The following PTPRK variants were observed in gnomAD, a reference collection of about 807,000 sequenced individuals.
The protein encoded by PTPRK is protein tyrosine phosphatase receptor type K, also known as receptor-type tyrosine-protein phosphatase kappa.
A neutral mutation model predicts 178.0 loss-of-function variants in PTPRK; 75 were observed. That is an observed-to-expected ratio of 0.42 (90% confidence interval 0.35 to 0.51). PTPRK has a LOEUF of 0.51. PTPRK is among the 20% of genes least tolerant of loss of function. PTPRK has a pLI of 0.02. For missense variants in PTPRK, 1,441 were observed against 1,797.8 expected, an observed-to-expected ratio of 0.80 and a Z score of 3.59; for synonymous variants, 637 against 620.6, an observed-to-expected ratio of 1.03 and a Z score of -0.39.
chr6:128,254,368 A>C (rs772911421), intron 3 of PTPRK, among the ~76,000 whole-genome samples: 21 of 152,158 alleles, frequency 1.4e-4, no homozygotes, highest in Non-Finnish European at 2.8e-4. Flanking sequence ...GCTGAAATTG[A>C]AAAATATTTA....
chr6:128,089,473 G>A (rs1048481437), intron 8 of PTPRK, among the ~76,000 whole-genome samples: 1 of 152,102 alleles, frequency 6.6e-6, no homozygotes, highest in African/African-American at 2.4e-5. Flanking sequence ...TAAGAAGAGA[G>A]GACAACAGAA....
chr6:128,179,633 T>C (rs1473649670), intron 7 of PTPRK, among the ~76,000 whole-genome samples: 1 of 152,056 alleles, frequency 6.6e-6, no homozygotes, highest in Non-Finnish European at 1.5e-5. Context: ...AAGTCATCCT[T>C]ACATTGTGAA....
intron 7 of PTPRK, among the ~76,000 whole-genome samples, chr6:128,123,771 C>G (rs1041234733): frequency 3.9e-5 from 6 of 152,084 alleles, no homozygotes; most frequent in African/African-American, 1.2e-4. Flanking sequence ...TTTATAGGAC[C>G]TTAACAGTTT....
At chr6:128,065,422 T>C (rs888564224) in intron 12 of PTPRK, among the ~76,000 whole-genome samples, 1 of 152,080 alleles carries the variant, frequency 6.6e-6, no homozygotes. Flanking sequence ...AGAAAAAATA[T>C]GATTATTTTT....
intron 5 of PTPRK, among the ~76,000 whole-genome samples, chr6:128,221,443 G>C (rs887185223): frequency 4.6e-5 from 7 of 151,312 alleles, no homozygotes; most frequent in Non-Finnish European, 1.0e-4. Flanking sequence ...AGAATGGTGT[G>C]AACCCAGGAG....
intron 3 of PTPRK, among the ~76,000 whole-genome samples, chr6:128,267,928 T>C (rs1281984223): frequency 6.6e-6 from 1 of 152,046 alleles, no homozygotes; most frequent in Non-Finnish European, 1.5e-5. Context: ...TTACATCAAC[T>C]ACTGGGGCTA....
intron 2 of PTPRK, among the ~76,000 whole-genome samples, chr6:128,371,875 C>T (rs1048514257): frequency 9.1e-5 from 12 of 131,818 alleles, no homozygotes; most frequent in Non-Finnish European, 1.4e-4. Context: ...GACCTTGTCT[C>T]AAAAAAAAAA....
intron 1 of PTPRK, among the ~76,000 whole-genome samples, chr6:128,486,502 T>C (rs117262560): frequency 0.029 from 4,470 of 152,270 alleles, 87 homozygotes; most frequent in Non-Finnish European, 0.042. Flanking sequence ...ATTATAATTA[T>C]TGAAATAATT....
chr6:128,139,682 T>A (rs1371265978), intron 7 of PTPRK, among the ~76,000 whole-genome samples: 2 of 152,052 alleles, frequency 1.3e-5, no homozygotes, highest in Non-Finnish European at 2.9e-5. Flanking sequence ...TAAATCCAGG[T>A]TGCCCTTCAT....
intron 13 of PTPRK, among the ~76,000 whole-genome samples, chr6:128,018,190 T>G (rs553885680): frequency 6.6e-6 from 1 of 152,200 alleles, no homozygotes; most frequent in Non-Finnish European, 1.5e-5. Context: ...GATTTTTACA[T>G]AGTTACCAAT....
intron 5 of PTPRK, among the ~76,000 whole-genome samples, chr6:128,229,777 T>C (rs1440903160): frequency 6.6e-6 from 1 of 152,156 alleles, no homozygotes; most frequent in Non-Finnish European, 1.5e-5. Flanking sequence ...GAGTGTATAA[T>C]GATATTAAAA....
intron 1 of PTPRK, among the ~76,000 whole-genome samples, chr6:128,449,050 C>CG (rs1467070042): frequency 1.3e-5 from 2 of 151,814 alleles, no homozygotes; most frequent in Non-Finnish European, 2.9e-5. Context: ...CCAGTAGAGA[C>CG]GGGGTTTCAC....
intron 7 of PTPRK, among the ~76,000 whole-genome samples, chr6:128,171,511 T>C (rs892586900): frequency 1.3e-5 from 2 of 151,992 alleles, no homozygotes; most frequent in Non-Finnish European, 2.9e-5. Flanking sequence ...GTACCACCTG[T>C]CCAAGCTGAG....
intron 3 of PTPRK, among the ~76,000 whole-genome samples, chr6:128,268,039 C>G (rs529023077): frequency 5.3e-5 from 8 of 151,990 alleles, no homozygotes; most frequent in South Asian, 4.2e-4. Context: ...TTTTAGCACA[C>G]AAGAAAAATT....
At chr6:127,978,181 G>A (rs777979687) in intron 25 of PTPRK, among the ~76,000 whole-genome samples, 8 of 152,192 alleles carry the variant, frequency 5.3e-5, no homozygotes, top group Non-Finnish European at 8.8e-5. Context: ...TACACGTGCA[G>A]CTGGGATGAG....
chr6:128,283,790 T>TTCCTA (rs1822050780), intron 3 of PTPRK, among the ~76,000 whole-genome samples: 2 of 152,314 alleles, frequency 1.3e-5, no homozygotes, highest in South Asian at 4.1e-4. Context: ...ACTCAATTTG[T>TTCCTA]AGTATGTTAT....
At chr6:128,433,409 C>G (rs1344987682) in intron 1 of PTPRK, among the ~76,000 whole-genome samples, 1 of 152,128 alleles carries the variant, frequency 6.6e-6, no homozygotes, top group Admixed American at 6.6e-5. Context: ...ATTTCACTTA[C>G]CATAGTGAAC....
intron 3 of PTPRK, among the ~76,000 whole-genome samples, chr6:128,276,846 C>T (rs10485162): frequency 0.019 from 2,943 of 152,172 alleles, 76 homozygotes; most frequent in African/African-American, 0.04. Flanking sequence ...AATTACTCAA[C>T]AGTGGCATTT....
intron 3 of PTPRK, among the ~76,000 whole-genome samples, chr6:128,279,105 T>A (rs1821268627): frequency 6.6e-6 from 1 of 152,008 alleles, no homozygotes; most frequent in Non-Finnish European, 1.5e-5. Context: ...CCTAAGCACT[T>A]ATGTAGAGGC....
Sources: gnomAD v4.1 joint callset for allele counts (sites outside exome capture counted in the v4.1 genomes callset) on GRCh38, gnomAD v4.1.1 for gene constraint, MANE v1.5 for transcripts, NCBI Gene and HGNC (gene_info 2026-07-23, HGNC 2026-07-21) for gene names.